CASR: variants seen among roughly 807,000 people sequenced by gnomAD.
CASR encodes the protein calcium sensing receptor.
Under a neutral mutation model 69.1 loss-of-function variants are expected in CASR, and 23 were observed. The ratio of observed to expected loss-of-function variants is 0.33; its 90% CI spans 0.24 to 0.47. The LOEUF (loss-of-function observed/expected upper bound fraction) is 0.47, where lower values mean the gene tolerates loss of function less well. Among genes scored for constraint, CASR ranks in the 20% least tolerant of loss-of-function variants. CASR has a pLI of 1.00. For missense variants in CASR, 924 were observed against 1,356.1 expected (o/e 0.68, Z 5.00); for synonymous variants, 541 against 544.7 (o/e 0.99, Z 0.10).
At chr3:122,212,409 A>T (rs1332795048) in intron 1 of CASR, among the ~76,000 whole-genome samples, 1 of 152,106 alleles carries the variant, frequency 6.6e-6, no homozygotes, top group Non-Finnish European at 1.5e-5. Flanking sequence ...GGCCTGTGGA[A>T]GTTGGGGTCA....
chr3:122,231,987 C>G (rs1409682208), intron 1 of CASR, among the ~76,000 whole-genome samples: 1 of 152,120 alleles, frequency 6.6e-6, no homozygotes, highest in Non-Finnish European at 1.5e-5. Flanking sequence ...ACCCGCATGT[C>G]CAGATAGCCA....
At chr3:122,273,800 G>A (rs2074785451) in intron 4 of CASR, among the ~76,000 whole-genome samples, 1 of 152,110 alleles carries the variant, frequency 6.6e-6, no homozygotes, top group South Asian at 2.1e-4. Context: ...GTATTAAAGA[G>A]CAGAAGAACT....
At chr3:122,258,056 C>G (rs1248388847) in intron 3 of CASR, among the ~76,000 whole-genome samples, 3 of 151,692 alleles carry the variant, frequency 2.0e-5, no homozygotes, top group Admixed American at 6.6e-5. Flanking sequence ...TTTTTTTCAC[C>G]AAAAAAAGAT....
intron 1 of CASR, among the ~76,000 whole-genome samples, chr3:122,208,758 G>C (rs546165138): frequency 7.2e-4 from 110 of 152,304 alleles, no homozygotes; most frequent in African/African-American, 2.5e-3. Flanking sequence ...AGCATGTCTG[G>C]CTTCTTTCCC....
intron 1 of CASR, among the ~76,000 whole-genome samples, chr3:122,196,868 T>A (rs1390760760): frequency 6.6e-6 from 1 of 152,224 alleles, no homozygotes; most frequent in Non-Finnish European, 1.5e-5. Flanking sequence ...TATAATGTGA[T>A]GATTTGACAT....
At chr3:122,274,315 TCTTGGAGCTA>T (rs1301499952) in intron 4 of CASR, among the ~76,000 whole-genome samples, 2 of 152,262 alleles carry the variant, frequency 1.3e-5, no homozygotes, top group Non-Finnish European at 2.9e-5. Context: ...CCCAAGCATG[TCTTGGAGCTA>T]CTTATGGATA....
intron 1 of CASR, among the ~76,000 whole-genome samples, chr3:122,226,949 G>A (rs1056604175): frequency 6.6e-6 from 1 of 151,888 alleles, no homozygotes; most frequent in African/African-American, 2.4e-5. Flanking sequence ...TAGACATAAA[G>A]GTTCTCCAGG....
intron 1 of CASR, among the ~76,000 whole-genome samples, chr3:122,196,702 C>A (rs905348297): frequency 1.4e-4 from 22 of 152,142 alleles, no homozygotes; most frequent in African/African-American, 5.3e-4. Context: ...CCATGCCCAG[C>A]AATTGTTTGT....
chr3:122,202,511 C>T (rs576597709), intron 1 of CASR, among the ~76,000 whole-genome samples: 15 of 146,226 alleles, frequency 1.0e-4, no homozygotes, highest in Non-Finnish European at 1.7e-4. Context: ...GAGAGAGGCC[C>T]ATTGTTTTTC....
At chr3:122,259,029 G>A (rs1011001751) in intron 3 of CASR, among the ~76,000 whole-genome samples, 3 of 152,032 alleles carry the variant, frequency 2.0e-5, no homozygotes, top group African/African-American at 7.2e-5. Flanking sequence ...ATTGCGGTTG[G>A]AACAGTTTTC....
intron 1 of CASR, among the ~76,000 whole-genome samples, chr3:122,222,400 G>GA (rs982334806): frequency 6.0e-4 from 90 of 150,676 alleles, no homozygotes; most frequent in Non-Finnish European, 1.1e-3. Context: ...ATTTATTAGA[G>GA]AAAAAAAAAT....
Position 122,196,568 on chromosome 3 carries a change from C to T in CASR, c.-243+12756C>T, listed in dbSNP as rs568831401. Among the ~76,000 whole-genome samples, 15 of 151,784 alleles carry T rather than the reference C, an allele frequency of 9.9e-5. No individual in the cohort carries two copies. The East Asian group carries it at 1.9e-3, about 20-fold the overall frequency. Reference sequence around the variant, plus strand: ...TTGTTTTGTTTTTGAGGCAAGGTCTCGCTCTGTCACCCAGGCTGGAGTGCG... The same window carrying T: ...TTGTTTTGTTTTTGAGGCAAGGTCTTGCTCTGTCACCCAGGCTGGAGTGCG... On this transcript the variant is annotated intron_variant, in intron 1 of 6. Transcript: ENST00000639785.
intron 1 of CASR, chr3:122,245,262 G>A (rs1401495346): frequency 1.3e-5 from 2 of 152,142 alleles, no homozygotes; most frequent in Non-Finnish European, 2.9e-5. Context: ...TGTTCAGTAC[G>A]GATACAGCCA....
intron 5 of CASR, among the ~76,000 whole-genome samples, chr3:122,281,648 A>T (rs1231518496): frequency 1.3e-5 from 2 of 152,004 alleles, no homozygotes; most frequent in Non-Finnish European, 2.9e-5. Context: ...TTTCTCCATT[A>T]ATTTGCTAAT....
rs1187977675 is a variant in CASR, at chr3:122,291,156, T to A, written c.*5965T>A. The stretch of plus-strand genomic sequence containing the variant: ...GTTGGACATTTGGGTTGGTTCCAAG[T>A]CTTTGCTATTGTGAATAGTGCCACA... On this transcript the variant is annotated 3_prime_UTR_variant, in exon 7 of 7. Coordinates refer to ENST00000639785, the MANE Select transcript of CASR (RefSeq NM_000388.4). 2.7e-5 allele frequency: 4 copies of A among 146,070 alleles called. No individual in the cohort carries two copies. The highest frequency in any genetic ancestry group is 2.3e-4 in the South Asian group (1 of 4,386). The allele number at this position is 146,070 out of a possible 1,614,324, so 9.0% of individuals were successfully genotyped here.
chr3:122,192,934 A>G (rs1036992567), intron 1 of CASR, among the ~76,000 whole-genome samples: 3 of 152,212 alleles, frequency 2.0e-5, no homozygotes, highest in African/African-American at 4.8e-5. Context: ...ATGAACACAC[A>G]TAGCTTATTT....
intron 1 of CASR, chr3:122,246,504 A>G (rs919791173): frequency 1.3e-5 from 2 of 152,234 alleles, no homozygotes; most frequent in Non-Finnish European, 2.9e-5. Flanking sequence ...AGGAAACAGG[A>G]GAAGAGAGAA....
chr3:122,285,311 C>G lies in CASR; in HGVS notation c.*120C>G. On this transcript the variant is annotated 3_prime_UTR_variant, in exon 7 of 7. Coordinates refer to ENST00000639785, the MANE Select transcript of CASR (RefSeq NM_000388.4). The stretch of plus-strand genomic sequence containing the variant: ...GAAGGGATAATAGACACATCAAATG[C>G]CCCGAATTTAGTCACACCATCTTAA... 1.1e-6 allele frequency: 1 copy of G among 884,508 alleles called. No individual in the cohort carries two copies. The highest frequency in any genetic ancestry group is 1.9e-5 in the Admixed American group (1 of 53,444). The allele number at this position is 884,508 out of a possible 1,614,324, so 54.8% of individuals were successfully genotyped here.
chr3:122,257,549 A>C (rs1016007015), intron 3 of CASR, 162 bp downstream of exon 3: 4 of 596,224 alleles, frequency 6.7e-6, no homozygotes, highest in African/African-American at 1.9e-5. Flanking sequence ...GGGATTTCTG[A>C]AACTCCAGTG....
Sources: gnomAD v4.1 joint callset for allele counts (sites outside exome capture counted in the v4.1 genomes callset) on GRCh38, gnomAD v4.1.1 for gene constraint, MANE v1.5 for transcripts, NCBI Gene and HGNC (gene_info 2026-07-23, HGNC 2026-07-21) for gene names.